LRBA: variants seen among roughly 807,000 people sequenced by gnomAD.
LRBA encodes LPS responsive beige-like anchor protein.
A neutral mutation model predicts 330.0 loss-of-function variants in LRBA; 176 were observed. The ratio of observed to expected loss-of-function variants is 0.53; its 90% CI spans 0.47 to 0.60. LRBA has a LOEUF of 0.60. LRBA is among the 20% of genes least tolerant of loss of function. LRBA has a pLI of 0.00. For missense variants in LRBA, 3,259 were observed against 3,444.8 expected, an observed-to-expected ratio of 0.95 and a Z score of 1.35; for synonymous variants, 1,230 against 1,193.0, an observed-to-expected ratio of 1.03 and a Z score of -0.64.
intron 22 of LRBA, among the ~76,000 whole-genome samples, chr4:150,861,943 T>C (rs1182162092): frequency 2.7e-5 from 4 of 149,264 alleles, no homozygotes. Context: ...ATTACACCAC[T>C]GCACTCCAGC....
At chr4:150,763,665 T>C (rs933989217) in intron 34 of LRBA, among the ~76,000 whole-genome samples, 4 of 151,930 alleles carry the variant, frequency 2.6e-5, no homozygotes, top group Admixed American at 1.3e-4. Context: ...CTCAAATTTT[T>C]TTTTTATTTT....
intron 47 of LRBA, among the ~76,000 whole-genome samples, chr4:150,412,079 A>G (rs1207601606): frequency 6.6e-6 from 1 of 152,192 alleles, no homozygotes; most frequent in African/African-American, 2.4e-5. Context: ...ATGAGGTATT[A>G]AATTCTTTCA....
intron 4 of LRBA, among the ~76,000 whole-genome samples, chr4:150,926,578 A>G (rs974887619): frequency 7.2e-5 from 11 of 152,206 alleles, no homozygotes; most frequent in African/African-American, 2.7e-4. Context: ...TATTGTCTAA[A>G]TTCAGTAGCC....
At chr4:150,679,919 TG>T (rs1782900670) in intron 37 of LRBA, among the ~76,000 whole-genome samples, 1 of 152,172 alleles carries the variant, frequency 6.6e-6, no homozygotes, top group African/African-American at 2.4e-5. Context: ...TAGAATGCAA[TG>T]AAGGACGATA....
Position 150,852,794 on chromosome 4 carries a change from CT to C in LRBA, c.2915del (p.Gln972ArgfsTer24), listed in dbSNP as rs1560917658. 1 of 1,614,032 alleles carries C rather than the reference CT, an allele frequency of 6.2e-7. No individual in the cohort carries two copies. The highest frequency in any genetic ancestry group is 1.3e-5 in the African/African-American group (1 of 75,050). On this transcript the variant is annotated frameshift_variant, in exon 23 of 57. Coordinates refer to ENST00000651943, the MANE Select transcript of LRBA (RefSeq NM_001364905.1). LOFTEE classifies it high-confidence loss of function. ...RRDINVSVGS[Q>X]QPDTKDSPVC... ...CAGGAGAATCCTTCGTATCTGGTTG[CT>C]GGGATCCTACTGAAACATTAATATC...
At chr4:150,491,151 G>T (rs964755911) in intron 40 of LRBA, 116 bp from the exon 41 acceptor site, 2 of 454,984 alleles carry the variant, frequency 4.4e-6, no homozygotes, top group Non-Finnish European at 7.9e-6. Context: ...TAAGAAAAAG[G>T]ATTTAATAGT....
At chr4:150,808,056 A>C (rs1473638062) in intron 32 of LRBA, among the ~76,000 whole-genome samples, 1 of 152,206 alleles carries the variant, frequency 6.6e-6, no homozygotes, top group Non-Finnish European at 1.5e-5. Context: ...GCATGCAGCA[A>C]TTATTTTTTT....
rs1461783726 is a variant in LRBA, at chr4:150,724,901, T to TAC, written c.5754+10356_5754+10357insGT. ...ATATATACATATATATATGTATATA[T>TAC]ATACACACACACACACACACATACA... On this transcript the variant is annotated intron_variant, in intron 36 of 56. Coordinates refer to ENST00000651943, the MANE Select transcript of LRBA (RefSeq NM_001364905.1). Among the ~76,000 whole-genome samples the TAC allele has an allele frequency of 1.9e-3, 279 of 147,288 alleles. 1 individual carries two copies. The highest frequency in any genetic ancestry group is 6.6e-3 in the African/African-American group (263 of 40,066).
chr4:150,817,312 T>C, intron 30 of LRBA, 55 bp from the exon 31 acceptor site: 1 of 1,510,140 alleles, frequency 6.6e-7, no homozygotes, highest in Non-Finnish European at 9.1e-7. Context: ...CTTGAATTAA[T>C]TACATGAATT....
Position 150,610,721 on chromosome 4 carries a change from C to T in LRBA, c.5922-11590G>A, listed in dbSNP as rs72736342. On this transcript the variant is annotated intron_variant, in intron 37 of 56. Transcript: ENST00000651943. ...GAAAATGAGTAGGCTAGTAAGAACGCCTGGGATGACTATGGGTGATAAATC... is the reference window on the plus strand; with the variant it reads ...GAAAATGAGTAGGCTAGTAAGAACGTCTGGGATGACTATGGGTGATAAATC... Among the ~76,000 whole-genome samples, 243 of 152,144 alleles carry T rather than the reference C, an allele frequency of 1.6e-3. 1 individual carries two copies. The highest frequency in any genetic ancestry group is 3.7e-3 in the Admixed American group (56 of 15,270).
chr4:150,487,609 A>T (rs1369094680), intron 42 of LRBA, 123 bp downstream of exon 42: 3 of 464,544 alleles, frequency 6.5e-6, no homozygotes, highest in Non-Finnish European at 1.1e-5. Flanking sequence ...ACAGAAAGTT[A>T]TAAATTTCAA....
intron 51 of LRBA, 67 bp from the exon 52 acceptor site, chr4:150,310,451 G>T: frequency 9.5e-7 from 1 of 1,053,600 alleles, no homozygotes. Flanking sequence ...TAGTGAGGGA[G>T]AAGAGGAGAC....
intron 47 of LRBA, among the ~76,000 whole-genome samples, chr4:150,355,948 T>C (rs1320826520): frequency 6.6e-6 from 1 of 152,066 alleles, no homozygotes; most frequent in Non-Finnish European, 1.5e-5. Flanking sequence ...TACAAACACA[T>C]ATACACACAG....
At chr4:150,959,755 G>A (rs1439411661) in intron 2 of LRBA, among the ~76,000 whole-genome samples, 2 of 144,786 alleles carry the variant, frequency 1.4e-5, no homozygotes, top group Admixed American at 6.8e-5. Flanking sequence ...ATGTAACATA[G>A]TGTAAATCTA....
Position 150,315,815 on chromosome 4 carries a change from C to T in LRBA, c.7631-192G>A, listed in dbSNP as rs1731649363. ...ATTAAACATTTATTTTAGATTAGTG[C>T]CGCTCTGAACTGTGCCATCAGCAGT... On this transcript the variant is annotated intron_variant, in intron 50 of 56. Coordinates refer to ENST00000651943, the MANE Select transcript of LRBA (RefSeq NM_001364905.1). 2.6e-5 allele frequency among the ~76,000 whole-genome samples: 4 copies of T among 152,056 alleles called. No individual in the cohort carries two copies. The South Asian group carries it at 6.2e-4, about 24-fold the overall frequency.
At chr4:150,459,599 A>C (rs1039977201) in intron 44 of LRBA, among the ~76,000 whole-genome samples, 15 of 151,930 alleles carry the variant, frequency 9.9e-5, no homozygotes, top group African/African-American at 3.6e-4. Flanking sequence ...ATGAAACAGC[A>C]TATGTAAAAT....
chr4:150,828,074 G>A (rs1285264404), intron 30 of LRBA, 106 bp downstream of exon 30: 1 of 955,152 alleles, frequency 1.0e-6, no homozygotes, highest in Non-Finnish European at 1.6e-6. Context: ...GGAGTGAAAA[G>A]TTATATGTGG....
At chr4:150,873,096 T>G (rs564580852) in intron 17 of LRBA, among the ~76,000 whole-genome samples, 1 of 152,196 alleles carries the variant, frequency 6.6e-6, no homozygotes, top group Non-Finnish European at 1.5e-5. Context: ...TTTAAGTCAG[T>G]AGAAAGAAAG....
At chr4:150,905,178 G>GT (rs1274104490) in intron 13 of LRBA, among the ~76,000 whole-genome samples, 1 of 151,680 alleles carries the variant, frequency 6.6e-6, no homozygotes, top group Non-Finnish European at 1.5e-5. Context: ...GAACTAATTG[G>GT]TTTGTTGTTA....
Sources: gnomAD v4.1 joint callset for allele counts (sites outside exome capture counted in the v4.1 genomes callset) on GRCh38, gnomAD v4.1.1 for gene constraint, MANE v1.5 for transcripts, NCBI Gene and HGNC (gene_info 2026-07-23, HGNC 2026-07-21) for gene names.